Variants in CLUL1 observed in about 807,000 individuals in gnomAD.
CLUL1 encodes the protein clusterin like 1, also known as clusterin-like protein 1.
Under a neutral mutation model 49.4 loss-of-function variants are expected in CLUL1, and 43 were observed. The ratio of observed to expected loss-of-function variants is 0.87; its 90% CI spans 0.68 to 1.12. The LOEUF is 1.12. CLUL1 is among the 50% of genes most tolerant of loss of function. The pLI is 0.00. For missense variants in CLUL1, 486 were observed against 544.4 expected, an observed-to-expected ratio of 0.89 and a Z score of 1.07; for synonymous variants, 192 against 184.9, an observed-to-expected ratio of 1.04 and a Z score of -0.31.
intron 5 of CLUL1, 53 bp downstream of exon 5, chr18:625,085 G>T: frequency 1.3e-6 from 2 of 1,551,238 alleles, no homozygotes; most frequent in Non-Finnish European, 1.8e-6. Flanking sequence ...ACCTATTTCA[G>T]CTTACTTTTT....
intron 6 of CLUL1, among the ~76,000 whole-genome samples, chr18:632,239 T>C (rs10468763): frequency 0.25 from 37,300 of 152,056 alleles, 4,704 homozygotes; most frequent in African/African-American, 0.28. Flanking sequence ...AAAACTTGAT[T>C]GGCTTTAGAT....
At chr18:642,030 T>A (rs2144182067) in intron 8 of CLUL1, among the ~76,000 whole-genome samples, 1 of 152,326 alleles carries the variant, frequency 6.6e-6, no homozygotes, top group Admixed American at 6.5e-5. Flanking sequence ...ATAGATTTCT[T>A]ATACAAAACA....
intron 5 of CLUL1, among the ~76,000 whole-genome samples, chr18:626,794 G>A (rs1323769168): frequency 6.8e-6 from 1 of 148,098 alleles, no homozygotes. Context: ...CCAGGAGGCG[G>A]AGGTTGCAGT....
chr18:637,756 C>T (rs2074193961), intron 7 of CLUL1, among the ~76,000 whole-genome samples: 1 of 152,096 alleles, frequency 6.6e-6, no homozygotes, highest in African/African-American at 2.4e-5. Context: ...GGGCGGATCA[C>T]CTGCGGTCAG....
intron 1 of CLUL1, among the ~76,000 whole-genome samples, chr18:597,386 G>A (rs931898264): frequency 3.3e-5 from 5 of 152,226 alleles, no homozygotes; most frequent in Admixed American, 6.5e-5. Flanking sequence ...AACAGGAGGA[G>A]GAGGTAGAGG....
chr18:642,230 A>G (rs1025833106), intron 8 of CLUL1, among the ~76,000 whole-genome samples: 19 of 152,172 alleles, frequency 1.2e-4, no homozygotes, highest in African/African-American at 4.6e-4. Flanking sequence ...CAGGAGTTTG[A>G]GACCAGCCTG....
chr18:619,677 T>C (rs2073427223), intron 4 of CLUL1, among the ~76,000 whole-genome samples: 1 of 152,218 alleles, frequency 6.6e-6, no homozygotes, highest in African/African-American at 2.4e-5. Flanking sequence ...GAGTTTTTTT[T>C]TTTACTAGAT....
intron 7 of CLUL1, among the ~76,000 whole-genome samples, chr18:637,956 G>A (rs1432485701): frequency 1.3e-5 from 2 of 148,842 alleles, no homozygotes; most frequent in Admixed American, 6.6e-5. Flanking sequence ...CTCAGAGCGA[G>A]ACTCTGTCTT....
At chr18:626,877 A>G (rs9949739) in intron 5 of CLUL1, among the ~76,000 whole-genome samples, 217 of 686 alleles carry the variant, frequency 0.32, 4 homozygotes, top group South Asian at 0.5. Flanking sequence ...GAAAGAAAGA[A>G]AGAAAGAAAG....
intron 4 of CLUL1, among the ~76,000 whole-genome samples, chr18:623,119 G>A (rs1260774813): frequency 1.3e-5 from 2 of 149,768 alleles, no homozygotes; most frequent in Non-Finnish European, 3.0e-5. Context: ...TGCAACCTCC[G>A]CCTCCTGGGT....
chr18:641,713 G>A (rs1186521999), intron 8 of CLUL1, among the ~76,000 whole-genome samples, 172 bp downstream of exon 8: 2 of 152,076 alleles, frequency 1.3e-5, no homozygotes, highest in Admixed American at 6.5e-5. Context: ...ATGGTCTTTA[G>A]AAAACAAGAA....
At chr18:639,836 A>G (rs1318268443) in intron 7 of CLUL1, among the ~76,000 whole-genome samples, 1 of 152,156 alleles carries the variant, frequency 6.6e-6, no homozygotes, top group African/African-American at 2.4e-5. Context: ...TGTTAATTTG[A>G]CTATGTAACT....
chr18:638,719 G>A (rs944127214), intron 7 of CLUL1, among the ~76,000 whole-genome samples: 3 of 151,672 alleles, frequency 2.0e-5, no homozygotes, highest in Admixed American at 1.3e-4. Context: ...TTAGCCAGGT[G>A]TGGTGGTACG....
chr18:619,248 G>A lies in CLUL1; in HGVS notation c.142G>A (p.Glu48Lys). The stretch of plus-strand genomic sequence containing the variant: ...GGTGGGGGAGATAGATGCAGATGAA[G>A]AGGTGAAGAAGGCTTTGACTGGTAT... Reference protein sequence around the residue: ...SEVGEIDADEEVKKALTGIKQ... With the variant: ...SEVGEIDADEKVKKALTGIKQ... Residue 48 changes from glutamate to lysine, a missense_variant, in exon 4 of 10, where the codon GAG becomes AAG. Transcript: ENST00000692774. 6.2e-7 allele frequency: 1 copy of A among 1,613,990 alleles called. No individual in the cohort carries two copies. Among genetic ancestry groups the A allele is most frequent in the Non-Finnish European group, 8.5e-7 (1 of 1,179,966 alleles).
intron 5 of CLUL1, among the ~76,000 whole-genome samples, chr18:626,200 C>T (rs965997658): frequency 2.0e-5 from 3 of 152,120 alleles, no homozygotes; most frequent in Admixed American, 1.3e-4. Context: ...GCAGCCTCCA[C>T]CTCCTGGGTT....
At chr18:633,093 G>A (rs1341136578) in intron 6 of CLUL1, among the ~76,000 whole-genome samples, 1 of 152,138 alleles carries the variant, frequency 6.6e-6, no homozygotes, top group African/African-American at 2.4e-5. Context: ...GGAGGCAGAG[G>A]TTGCAGTGAG....
intron 7 of CLUL1, among the ~76,000 whole-genome samples, chr18:637,653 C>T (rs1283816680): frequency 6.6e-6 from 1 of 152,154 alleles, no homozygotes; most frequent in East Asian, 1.9e-4. Context: ...TGGACCTTTT[C>T]GCGGGGTTAC....
chr18:606,946 ATTTCTTTTCTTT>A lies in CLUL1; in HGVS notation c.-135-18_-135-7del. 1 of 600,762 alleles carries A rather than the reference ATTTCTTTTCTTT, an allele frequency of 1.7e-6. No homozygotes were observed. Among genetic ancestry groups the A allele is most frequent in the Non-Finnish European group, 3.0e-6 (1 of 338,332 alleles). 37.2% of individuals were successfully genotyped at this position (600,762 alleles called of 1,614,324 possible). ...TAATAATTTTAGGCGGCTCCCTAAA[ATTTCTTTTCTTT>A]TTTCTTTTCTTTTCTTTAGAGTTGC... On this transcript the variant is annotated intron_variant, in intron 1 of 9. Coordinates refer to ENST00000692774, the MANE Select transcript of CLUL1 (RefSeq NM_001393344.1). This position sits in a 1 kb window ranked among gnomAD's most constrained non-coding sequence, Gnocchi z 4.1.
chr18:633,688 A>G (rs1374598780), intron 7 of CLUL1, among the ~76,000 whole-genome samples: 1 of 152,162 alleles, frequency 6.6e-6, no homozygotes, highest in African/African-American at 2.4e-5. Flanking sequence ...TGGTTCCCCT[A>G]TTGGCTAGGG....
Sources: allele counts gnomAD v4.1 joint callset (sites outside exome capture counted in the v4.1 genomes callset), GRCh38; gene constraint gnomAD v4.1.1; non-coding constraint Gnocchi (gnomAD v3.1); transcripts MANE v1.5; gene names NCBI Gene and HGNC (gene_info 2026-07-23, HGNC 2026-07-21).